FAM187A: variants seen among roughly 807,000 people sequenced by gnomAD.
FAM187A encodes the protein family with sequence similarity 187 member A, also known as Ig-like V-type domain-containing protein FAM187A.
A neutral mutation model predicts 6.4 loss-of-function variants in FAM187A; 4 were observed. The ratio of observed to expected loss-of-function variants is 0.63; its 90% CI spans 0.31 to 1.44. FAM187A has a LOEUF of 1.44. FAM187A is among the 40% of genes most tolerant of loss of function. The pLI is 0.07. For synonymous variants in FAM187A, 221 were observed against 213.4 expected (o/e 1.04, Z -0.31); for missense variants, 463 against 542.2 (o/e 0.85, Z 1.45).
At chr17:44,903,704 G>C in exon 4 of FAM187A, 1 of 1,440,014 alleles carries the variant, frequency 6.9e-7, no homozygotes, top group Non-Finnish European at 9.1e-7. Context: ...GATTGTTGCT[G>C]CTTTTCCTGG....
At chr17:44,904,595 A>G in exon 4 of FAM187A, 1 of 1,550,564 alleles carries the variant, frequency 6.4e-7, no homozygotes, top group Non-Finnish European at 8.7e-7. Context: ...CGTGCTGGCC[A>G]TCATTAACTA....
chr17:44,903,844 C>T (rs1173262980), exon 4 of FAM187A: 1 of 1,547,140 alleles, frequency 6.5e-7, no homozygotes, highest in African/African-American at 1.4e-5. Flanking sequence ...ACCTGGCCCT[C>T]ACCACTGTGC....
At chr17:44,903,869 G>GGGA (rs200768101) in exon 4 of FAM187A, 1 of 1,512,032 alleles carries the variant, frequency 6.6e-7, no homozygotes, top group Non-Finnish European at 8.9e-7. Flanking sequence ...GTGGGCATGG[G>GGGA]GGCTCCAGGC....
exon 4 of FAM187A, chr17:44,903,764 A>G: frequency 6.8e-7 from 1 of 1,477,500 alleles, no homozygotes; most frequent in East Asian, 2.5e-5. Context: ...AGAGCTTTCT[A>G]GGAGCCCTAT....
chr17:44,905,116 G>T, exon 4 of FAM187A: 1 of 1,416,662 alleles, frequency 7.1e-7, no homozygotes, highest in Non-Finnish European at 9.6e-7. Context: ...CAATGTGTTT[G>T]TTAAATGATA....
rs1046949253 is a variant in FAM187A, at chr17:44,904,575, T to C, written c.746T>C (p.Ile249Thr). The change falls in exon 4 of 4, where the codon ATC (isoleucine) becomes ACC (threonine). Residue 249 changes from isoleucine to threonine, a missense_variant. Physicochemically the swap from Ile to Thr is moderately conservative, Grantham distance 89 (BLOSUM62 -1). Transcript: ENST00000331733. ...GTACCCTGTGAGAAGACAAAGACCA[T>C]CCGGGAGGGCGTGCTGGCCATCATT... is the stretch of plus-strand genomic sequence containing the variant. 8.4e-6 allele frequency: 13 copies of C among 1,550,428 alleles called. No homozygotes were observed. In the African/African-American group the frequency reaches 1.8e-4, roughly 21 times the overall value.
exon 4 of FAM187A, chr17:44,905,199 G>C (rs1318033298): frequency 5.4e-6 from 4 of 735,290 alleles, no homozygotes; most frequent in African/African-American, 1.8e-5. Flanking sequence ...GTTACAGCCT[G>C]CTCCCCATTT....
At chr17:44,903,611 T>C (rs2051599829) in exon 4 of FAM187A, 1 of 1,398,702 alleles carries the variant, frequency 7.1e-7, no homozygotes, top group Non-Finnish European at 9.3e-7. Flanking sequence ...CCCCCCACCC[T>C]GAGATCAGGT....
chr17:44,904,518 A>G (rs1315524673), exon 4 of FAM187A: 8 of 1,550,210 alleles, frequency 5.2e-6, no homozygotes, highest in Non-Finnish European at 7.0e-6. Flanking sequence ...GCCAGGGACC[A>G]CACGCCTGAG....
At chr17:44,904,599 T>G in exon 4 of FAM187A, 1 of 1,550,548 alleles carries the variant, frequency 6.4e-7, no homozygotes, top group Non-Finnish European at 8.7e-7. Flanking sequence ...CTGGCCATCA[T>G]TAACTATGTG....
Position 44,904,664 on chromosome 17 carries a change from C to T in FAM187A, c.835C>T (p.Gln279Ter), listed in dbSNP as rs1454162662. 1.3e-6 allele frequency: 2 copies of T among 1,550,456 alleles called. No homozygotes were observed. Among genetic ancestry groups the T allele is most frequent in the Non-Finnish European group, 1.7e-6 (2 of 1,147,008 alleles). The change falls in exon 4 of 4, where the codon CAG (glutamine) becomes TAG (stop). Residue 279 changes from glutamine to a stop codon, truncating the protein, a stop_gained. Transcript: ENST00000331733. LOFTEE classifies it low-confidence loss of function (END_TRUNC). ...CCAGGTGCCCATTCAGTTCCACCAG[C>T]AGAGACTGGGCCATGGACTCATCAT...
chr17:44,904,803 A>C, exon 4 of FAM187A: 5 of 1,550,598 alleles, frequency 3.2e-6, no homozygotes, highest in Non-Finnish European at 4.4e-6. Context: ...GTGTTCATTG[A>C]CCACGGCAAC....
At chr17:44,904,951 T>C in exon 4 of FAM187A, 1 of 1,550,708 alleles carries the variant, frequency 6.4e-7, no homozygotes, top group South Asian at 1.2e-5. Context: ...ATCCTGAGAC[T>C]CGCTCGGCTG....
rs1597849445 is a variant in FAM187A, at chr17:44,904,617, T to C, written c.788T>C (p.Val263Ala). 4 of 1,550,540 alleles carry C rather than the reference T, an allele frequency of 2.6e-6. No individual in the cohort carries two copies. The East Asian group carries it at 7.3e-5, about 28-fold the overall frequency. The change falls in exon 4 of 4, where the codon GTG becomes GCG. Residue 263 changes from valine to alanine, a missense_variant. Coordinates refer to ENST00000331733, the Ensembl canonical transcript of FAM187A. ...GCCATCATTAACTATGTGTCCAAAG[T>C]GGGCAGCCGGCCCTGGGTGCCCCAG...
rs1567768275 is a variant in FAM187A, at chr17:44,904,986, T to TGA, written c.1158_1159insAG (p.Leu387SerfsTer35). 4 of 1,550,842 alleles carry TGA rather than the reference T, an allele frequency of 2.6e-6. No individual in the cohort carries two copies. In the South Asian group the frequency reaches 4.8e-5, roughly 18 times the overall value. ...GTGGAGCTCACCCTGATAGGCTACC[T>TGA]GCTCATCACAGCAGTCTTTGTCACC... is the stretch of plus-strand genomic sequence containing the variant. On this transcript the variant is annotated frameshift_variant, in exon 4 of 4. Transcript: ENST00000331733. LOFTEE classifies it low-confidence loss of function (END_TRUNC).
At chr17:44,904,875 G>A in exon 4 of FAM187A, 1 of 1,550,650 alleles carries the variant, frequency 6.4e-7, no homozygotes, top group Non-Finnish European at 8.7e-7. Flanking sequence ...TGGAGGCAGG[G>A]TGTGCTAGTT....
At chr17:44,903,461 G>T in exon 4 of FAM187A, 1 of 1,265,594 alleles carries the variant, frequency 7.9e-7, no homozygotes, top group Non-Finnish European at 9.9e-7. Flanking sequence ...GCAGGGCAGG[G>T]CCTGGAGCAC....
exon 4 of FAM187A, chr17:44,904,312 A>C: frequency 1.9e-6 from 3 of 1,546,406 alleles, no homozygotes; most frequent in Non-Finnish European, 2.6e-6. Flanking sequence ...TTGCAGATGA[A>C]TACTATGGGC....
exon 4 of FAM187A, chr17:44,904,325 C>T (rs1457402419): frequency 1.0e-5 from 16 of 1,543,226 alleles, no homozygotes; most frequent in Non-Finnish European, 1.2e-5. Context: ...CTATGGGCAC[C>T]TCCATGTCTT....
Sources: gnomAD v4.1 joint callset for allele counts on GRCh38, gnomAD v4.1.1 for gene constraint, MANE v1.5 for transcripts, NCBI Gene and HGNC (gene_info 2026-07-23, HGNC 2026-07-21) for gene names.